Variants in PHYHIPL observed in about 807,000 individuals in gnomAD.
PHYHIPL encodes phytanoyl-CoA 2-hydroxylase interacting protein like, also known as phytanoyl-CoA hydroxylase-interacting protein-like.
PHYHIPL carries 9 observed loss-of-function variants against 33.4 expected under a neutral mutation model. The ratio of observed to expected loss-of-function variants is 0.27; its 90% CI spans 0.16 to 0.47. The LOEUF is 0.47. Among genes scored for constraint, PHYHIPL ranks in the 20% least tolerant of loss-of-function variants. The probability of loss-of-function intolerance (pLI) is 0.99; values close to 1 mark genes in which losing one functional copy is unlikely to be tolerated. For synonymous variants in PHYHIPL, 153 were observed against 154.1 expected, an observed-to-expected ratio of 0.99 and a Z score of 0.05; for missense variants, 365 against 460.7, an observed-to-expected ratio of 0.79 and a Z score of 1.90.
intron 1 of PHYHIPL, among the ~76,000 whole-genome samples, chr10:59,213,137 G>A (rs528707778): frequency 6.6e-5 from 10 of 151,694 alleles, no homozygotes; most frequent in Non-Finnish European, 8.8e-5. Flanking sequence ...ATAAGGAGCT[G>A]GTAAATATAT....
At chr10:59,244,141 A>AGAG (rs781169805) in intron 4 of PHYHIPL, among the ~76,000 whole-genome samples, 19 of 152,290 alleles carry the variant, frequency 1.2e-4, no homozygotes, top group Non-Finnish European at 2.4e-4. Context: ...ACTGAATGCT[A>AGAG]GAGTCCCAGG....
At chr10:59,226,484 G>T (rs1442948308) in intron 1 of PHYHIPL, among the ~76,000 whole-genome samples, 2 of 152,232 alleles carry the variant, frequency 1.3e-5, no homozygotes, top group East Asian at 3.9e-4. Flanking sequence ...TCAGGTGGAT[G>T]TAATGAAAAT....
intron 1 of PHYHIPL, among the ~76,000 whole-genome samples, chr10:59,198,136 G>A (rs1485638990): frequency 6.6e-6 from 1 of 152,054 alleles, no homozygotes. Flanking sequence ...CATGTGCCAT[G>A]TTGGTGTGCT....
intron 1 of PHYHIPL, among the ~76,000 whole-genome samples, chr10:59,189,902 G>T (rs990457813): frequency 6.6e-6 from 1 of 151,922 alleles, no homozygotes; most frequent in Non-Finnish European, 1.5e-5. Flanking sequence ...ATAGCATTTG[G>T]TATTGCTGGA....
intron 2 of PHYHIPL, among the ~76,000 whole-genome samples, chr10:59,235,519 A>AT (rs1840202973): frequency 1.3e-5 from 2 of 151,860 alleles, no homozygotes; most frequent in South Asian, 4.1e-4. Context: ...GCGATTATAC[A>AT]TACTAAAGAT....
chr10:59,178,114 C>T (rs770177694), intron 1 of PHYHIPL, among the ~76,000 whole-genome samples: 25 of 152,036 alleles, frequency 1.6e-4, no homozygotes, highest in Non-Finnish European at 3.4e-4. Flanking sequence ...CACTTGGTTA[C>T]GCATTGCTAT....
intron 2 of PHYHIPL, among the ~76,000 whole-genome samples, chr10:59,235,767 G>A (rs745324191): frequency 3.3e-5 from 5 of 151,984 alleles, no homozygotes; most frequent in Non-Finnish European, 7.4e-5. Flanking sequence ...TTGAAATGTA[G>A]TGAATATTCA....
chr10:59,238,361 G>A (rs768315701), intron 3 of PHYHIPL, among the ~76,000 whole-genome samples: 73 of 151,872 alleles, frequency 4.8e-4, no homozygotes, highest in Admixed American at 1.9e-3. Flanking sequence ...ATGGAAAAAT[G>A]CAAGCAAAGG....
chr10:59,240,137 A>T (rs1840347193), intron 4 of PHYHIPL, among the ~76,000 whole-genome samples: 3 of 152,062 alleles, frequency 2.0e-5, no homozygotes, highest in Admixed American at 2.0e-4. Context: ...TACAGAGTTT[A>T]GTCCTTCATT....
At chr10:59,190,216 G>C (rs1325610335) in intron 1 of PHYHIPL, among the ~76,000 whole-genome samples, 3 of 151,808 alleles carry the variant, frequency 2.0e-5, no homozygotes, top group Non-Finnish European at 2.9e-5. Flanking sequence ...CTATATTTCT[G>C]TATCTTATTT....
chr10:59,246,663 C>T lies in PHYHIPL; in HGVS notation c.*1072C>T, dbSNP rs551676824. 7.5e-6 allele frequency: 3 copies of T among 397,544 alleles called. No individual in the cohort carries two copies. Among genetic ancestry groups the T allele is most frequent in the African/African-American group, 6.2e-5 (3 of 48,704 alleles). The allele number at this position is 397,544 out of a possible 1,614,324, so 24.6% of individuals were successfully genotyped here. ...TTCTTTTTCAAGGTATCAGGGCAAA[C>T]AATTTCCAAACTTTTCATTTTGTAC... On this transcript the variant is annotated 3_prime_UTR_variant, in exon 5 of 5. Transcript: ENST00000373880.
At chr10:59,234,714 AAAAAAGGT>A (rs1840173293) in intron 2 of PHYHIPL, among the ~76,000 whole-genome samples, 1 of 151,836 alleles carries the variant, frequency 6.6e-6, no homozygotes, top group African/African-American at 2.4e-5. Context: ...ATAATTTTCA[AAAAAAGGT>A]AAAATCATGA....
intron 1 of PHYHIPL, among the ~76,000 whole-genome samples, chr10:59,183,052 T>C (rs1315386973): frequency 6.6e-6 from 1 of 152,212 alleles, no homozygotes; most frequent in Non-Finnish European, 1.5e-5. Flanking sequence ...AGATATTGTT[T>C]TACCAGGATG....
intron 1 of PHYHIPL, among the ~76,000 whole-genome samples, chr10:59,218,498 A>G (rs947670797): frequency 1.3e-5 from 2 of 152,168 alleles, no homozygotes; most frequent in African/African-American, 4.8e-5. Context: ...ATAGGGTAGA[A>G]TAGAAGAATC....
chr10:59,239,934 ATTTG>A (rs1295557665), intron 4 of PHYHIPL, among the ~76,000 whole-genome samples: 2 of 151,998 alleles, frequency 1.3e-5, no homozygotes, highest in African/African-American at 2.4e-5. Context: ...TGTTCTTTGT[ATTTG>A]TTTGTTTGAA....
chr10:59,204,419 A>G (rs1457406879), intron 1 of PHYHIPL, among the ~76,000 whole-genome samples: 1 of 152,190 alleles, frequency 6.6e-6, no homozygotes, highest in African/African-American at 2.4e-5. Flanking sequence ...TCTGTGTATG[A>G]TGACTTTTAA....
chr10:59,198,306 G>A, intron 1 of PHYHIPL, among the ~76,000 whole-genome samples: 1 of 151,778 alleles, frequency 6.6e-6, no homozygotes. Flanking sequence ...TGCGGTGTTT[G>A]GTTTTTTTGT....
At chr10:59,205,520 TGTGA>T (rs1589273378) in intron 1 of PHYHIPL, among the ~76,000 whole-genome samples, 1 of 152,240 alleles carries the variant, frequency 6.6e-6, no homozygotes. Context: ...AAAGCATATT[TGTGA>T]GTATTTTTCT....
intron 1 of PHYHIPL, among the ~76,000 whole-genome samples, chr10:59,224,718 G>T (rs886488522): frequency 1.3e-5 from 2 of 151,996 alleles, no homozygotes; most frequent in African/African-American, 2.4e-5. Flanking sequence ...TTCTACATTT[G>T]ATGTTAAAAT....
Sources: gnomAD v4.1 joint callset for allele counts (sites outside exome capture counted in the v4.1 genomes callset) on GRCh38, gnomAD v4.1.1 for gene constraint, MANE v1.5 for transcripts, NCBI Gene and HGNC (gene_info 2026-07-23, HGNC 2026-07-21) for gene names.